Variants in DALRD3 observed in about 807,000 individuals in gnomAD.
DALRD3 encodes the protein DALR anticodon-binding domain-containing protein 3.
DALRD3 carries 47 observed loss-of-function variants against 56.7 expected under a neutral mutation model. That is an observed-to-expected ratio of 0.83 (90% CI 0.66 to 1.06). The LOEUF (loss-of-function observed/expected upper bound fraction) is 1.06. Among genes scored for constraint, DALRD3 ranks in the 50% least tolerant of loss-of-function variants. The probability of loss-of-function intolerance (pLI) is 0.00; values close to 1 mark genes in which losing one functional copy is unlikely to be tolerated. For synonymous variants in DALRD3, 347 were observed against 308.5 expected (o/e 1.12, Z -1.31); for missense variants, 787 against 724.0 (o/e 1.09, Z -1.00).
rs2093058236 is a variant in DALRD3 at position 49,015,869 on chromosome 3, A to G, written c.1447T>C (p.Cys483Arg). 1.9e-6 allele frequency: 3 copies of G among 1,614,182 alleles called. No homozygotes were observed. Among genetic ancestry groups the G allele is most frequent in the Non-Finnish European group, 1.7e-6 (2 of 1,180,038 alleles). ...LHIAVRTEMI[C>R]KFLVQLSMDF... Reference sequence around the variant, plus strand: ...ATGCTGAGCTGTACCAGGAACTTGCATATCTAGAGACAGAGACTGAGTCAC... The same window carrying G: ...ATGCTGAGCTGTACCAGGAACTTGCGTATCTAGAGACAGAGACTGAGTCAC... Residue 483 changes from cysteine (C) to arginine (R), a missense_variant, in exon 11 of 12, where the codon TGC becomes CGC. Transcript: ENST00000341949.
chr3:49,017,639 T>G lies in DALRD3; in HGVS notation c.692A>C (p.Tyr231Ser), dbSNP rs61743083. 1 of 1,614,210 alleles carries G rather than the reference T, an allele frequency of 6.2e-7. No individual in the cohort carries two copies. The highest frequency in any genetic ancestry group is 1.1e-5 in the South Asian group (1 of 91,090). Residue 231 changes from tyrosine to serine, a missense_variant, in exon 3 of 12, where the codon TAT becomes TCT. Physicochemically the swap from Tyr to Ser is moderately radical, Grantham distance 144. Transcript: ENST00000341949. ...CAGACAGTTGTCCAGGTTGGGGTCA[T>G]AGCCAGCTGTGCGGCCCTGTTCTTC... ...LVEEQGRTAG[Y>S]DPNLDNCLVT...
upstream of DALRD3, chr3:49,018,698 G>A (rs2093124616): frequency 1.4e-6 from 2 of 1,407,742 alleles, no homozygotes; most frequent in Non-Finnish European, 1.8e-6. Flanking sequence ...TAGCCCTGTC[G>A]GCTGCTTTCG....
chr3:49,018,249 C>T lies in DALRD3; in HGVS notation c.235G>A (p.Ala79Thr), dbSNP rs1363630850. Reference sequence around the variant, plus strand: ...AGAGACAGACCCGCGGGGGTCGGCGCGCAGCGCAGCACCGGGGCCACACCG... The same window carrying T: ...AGAGACAGACCCGCGGGGGTCGGCGTGCAGCGCAGCACCGGGGCCACACCG... ...GPGVAPVLRC[A>T]PTPAGLSLQL... The change falls in exon 2 of 12, where the codon GCG (alanine) becomes ACG (threonine). Residue 79 changes from alanine to threonine, a missense_variant. Coordinates refer to ENST00000341949, the MANE Select transcript of DALRD3 (RefSeq NM_001009996.3). The T allele has an allele frequency of 5.6e-6, 8 of 1,437,050 alleles. 1 individual carries two copies. The South Asian group carries it at 1.2e-4, about 21-fold the overall frequency. 89.0% of individuals were successfully genotyped at this position (1,437,050 alleles called of 1,614,324 possible).
upstream of DALRD3, among the ~76,000 whole-genome samples, chr3:49,019,450 C>T (rs2093132776): frequency 6.6e-6 from 1 of 151,602 alleles, no homozygotes; most frequent in East Asian, 1.9e-4. Flanking sequence ...GAAATCACAA[C>T]CATCATGATG....
chr3:49,017,704 G>A lies in DALRD3; in HGVS notation c.627C>T (p.Ser209=). ...LTSANDGRTL[S]PGILGRLCLK... ...GACACAGTCTGCCTAGGATGCCAGG[G>A]GACAGTGTCCTCCCGTCATTAGCAG... Residue 209 remains serine, a synonymous_variant, in exon 3 of 12, where the codon TCC becomes TCT. Transcript: ENST00000341949. The A allele has an allele frequency of 6.2e-7, 1 of 1,614,162 alleles. No homozygotes were observed. The highest frequency in any genetic ancestry group is 8.5e-7 in the Non-Finnish European group (1 of 1,180,042).
rs966690564 is a variant in DALRD3 at position 49,016,011 on chromosome 3, T to C, written c.1405A>G (p.Thr469Ala). 1.9e-6 allele frequency: 3 copies of C among 1,609,492 alleles called. No homozygotes were observed. The highest frequency in any genetic ancestry group is 1.7e-5 in the Admixed American group (1 of 59,868). ...ACAGCAATGTGGAGCCCCGGGGCTG[T>C]GCAGTCCAGCACTGCTGTCCGGCTC... The part of the protein sequence containing the change: ...LLSRTAVLDC[T>A]APGLHIAVRT... Residue 469 changes from threonine (T) to alanine (A), a missense_variant, in exon 10 of 12, where the codon ACA becomes GCA. Transcript: ENST00000341949.
At position 49,017,269 on chromosome 3, in the gene DALRD3, G is replaced by A; in HGVS notation, c.886C>T (p.Leu296=). The change falls in exon 5 of 12, where the codon CTG becomes TTG. Residue 296 remains leucine, a synonymous_variant. Transcript: ENST00000341949. ...EEEFQQQKLD[L]LWQKLVDKAP... is the part of the protein sequence containing the mutation. Reference sequence around the variant, plus strand: ...TTGTCAACCAACTTCTGCCAAAGCAGGTCCAACTTCTGTTGCTGGAACTCC... The same window carrying A: ...TTGTCAACCAACTTCTGCCAAAGCAAGTCCAACTTCTGTTGCTGGAACTCC... 6.2e-7 allele frequency: 1 copy of A among 1,614,168 alleles called. No homozygotes were observed. Among genetic ancestry groups the A allele is most frequent in the Non-Finnish European group, 8.5e-7 (1 of 1,180,012 alleles).
intron 6 of DALRD3, 49 bp from the exon 7 acceptor site, chr3:49,016,722 G>GT: frequency 6.2e-7 from 1 of 1,613,950 alleles, no homozygotes. Context: ...TGGGTAAAGA[G>GT]TCCCCCCTCA....
Position 49,018,248 on chromosome 3 carries a change from G to A in DALRD3, c.236C>T (p.Ala79Val), listed in dbSNP as rs1301516326. 2 of 1,436,872 alleles carry A rather than the reference G, an allele frequency of 1.4e-6. No individual in the cohort carries two copies. Among genetic ancestry groups the A allele is most frequent in the Non-Finnish European group, 1.8e-6 (2 of 1,103,642 alleles). 89.0% of individuals were successfully genotyped at this position (1,436,872 alleles called of 1,614,324 possible). A position where few individuals can be genotyped will look rare whatever the true frequency, so the allele number is the denominator to read the frequency against. Residue 79 changes from alanine (A) to valine (V), a missense_variant, in exon 2 of 12, where the codon GCG (alanine) becomes GTG (valine). By Grantham distance (64) the Ala-to-Val change is moderately conservative. Transcript: ENST00000341949. Reference protein sequence around the residue: ...GPGVAPVLRCAPTPAGLSLQL... With the variant: ...GPGVAPVLRCVPTPAGLSLQL... ...GAGAGACAGACCCGCGGGGGTCGGC[G>A]CGCAGCGCAGCACCGGGGCCACACC...
chr3:49,018,098 G>T lies in DALRD3; in HGVS notation c.386C>A (p.Pro129His), dbSNP rs748420382. 1 of 1,486,002 alleles carries T rather than the reference G, an allele frequency of 6.7e-7. No individual in the cohort carries two copies. The highest frequency in any genetic ancestry group is 2.3e-5 in the East Asian group (1 of 42,994). 92.1% of individuals were successfully genotyped at this position (1,486,002 alleles called of 1,614,324 possible). Residue 129 changes from proline to histidine, a missense_variant, in exon 2 of 12, where the codon CCC becomes CAC. Physicochemically the swap from Pro to His is moderately conservative, Grantham distance 77 (BLOSUM62 -2). Coordinates refer to ENST00000341949, the MANE Select transcript of DALRD3 (RefSeq NM_001009996.3). ...LLHCPALRSSPCALRLSQLRT... is the reference protein window; with the variant it reads ...LLHCPALRSSHCALRLSQLRT... Reference sequence around the variant, plus strand: ...CAGCTGGCTCAAGCGGAGTGCGCAGGGGGAGCTGCGCAGTGCTGGGCAGTG... The same window carrying T: ...CAGCTGGCTCAAGCGGAGTGCGCAGTGGGAGCTGCGCAGTGCTGGGCAGTG...
At chr3:49,016,896 GA>G (rs2093085985) in intron 5 of DALRD3, 49 bp from the exon 6 acceptor site, 1 of 1,609,548 alleles carries the variant, frequency 6.2e-7, no homozygotes, top group African/African-American at 1.3e-5. Flanking sequence ...TACTCTCCAG[GA>G]AGTCCCTTGA....
chr3:49,018,404 C>T lies in DALRD3; in HGVS notation c.161G>A (p.Gly54Asp). 1.9e-6 allele frequency: 3 copies of T among 1,567,758 alleles called. No individual in the cohort carries two copies. The highest frequency in any genetic ancestry group is 1.8e-5 in the Admixed American group (1 of 54,258). Reference protein sequence around the residue: ...HRALQARFDDGQVPEHLLHAL... With the variant: ...HRALQARFDDDQVPEHLLHAL... ...CCCCGCCCGGCTCACGCCCACCTGG[C>T]CGTCATCGAAGCGCGCCTGCAGCGC... Residue 54 changes from glycine (G) to aspartate (D), a missense_variant, in exon 1 of 12, where the codon GGC (glycine) becomes GAC (aspartate). Gly to Asp is a moderately conservative substitution (Grantham distance 94). Transcript: ENST00000341949.
chr3:49,018,067 C>A lies in DALRD3; in HGVS notation c.417G>T (p.Thr139=). The change falls in exon 2 of 12, where the codon ACG becomes ACT. Residue 139 remains threonine (T), a synonymous_variant. Coordinates refer to ENST00000341949, the MANE Select transcript of DALRD3 (RefSeq NM_001009996.3). ...GCGCCAGGTGATCGGCCACGAGCACCGTACGCAGCTGGCTCAAGCGGAGTG... is the reference window on the plus strand; with the variant it reads ...GCGCCAGGTGATCGGCCACGAGCACAGTACGCAGCTGGCTCAAGCGGAGTG... ...PCALRLSQLR[T]VLVADHLARA... 1 of 1,491,764 alleles carries A rather than the reference C, an allele frequency of 6.7e-7. No individual in the cohort carries two copies. Among genetic ancestry groups the A allele is most frequent in the Non-Finnish European group, 8.8e-7 (1 of 1,130,716 alleles). The allele number at this position is 1,491,764 out of a possible 1,614,324, so 92.4% of individuals were successfully genotyped here. A position where few individuals can be genotyped will look rare whatever the true frequency, so the allele number is the denominator to read the frequency against.
chr3:49,015,804 C>G lies in DALRD3; in HGVS notation c.1512G>C (p.Gly504=). The stretch of plus-strand genomic sequence containing the variant: ...CCACCCCATTTTGCTGTGTGCTCAC[C>G]CCCAGGATGTGTACCCGGTTGTAGT... The part of the protein sequence containing the change: ...SSYYNRVHIL[G]EPRPHLFGQM... Residue 504 remains glycine, a splice_region_variant and synonymous_variant, in exon 11 of 12, where the codon GGG becomes GGC. Transcript: ENST00000341949. The G allele has an allele frequency of 6.2e-7, 1 of 1,614,152 alleles. No individual in the cohort carries two copies. Among genetic ancestry groups the G allele is most frequent in the Non-Finnish European group, 8.5e-7 (1 of 1,180,036 alleles).
In DALRD3 at chr3:49,018,250, G is replaced by C. The variant is rs1345751020; in HGVS notation, c.234C>G (p.Cys78Trp). 5 of 1,437,138 alleles carry C rather than the reference G, an allele frequency of 3.5e-6. No homozygotes were observed. Among genetic ancestry groups the C allele is most frequent in the Non-Finnish European group, 3.6e-6 (4 of 1,103,742 alleles). The allele number at this position is 1,437,138 out of a possible 1,614,324, so 89.0% of individuals were successfully genotyped here. Reference sequence around the variant, plus strand: ...GAGACAGACCCGCGGGGGTCGGCGCGCAGCGCAGCACCGGGGCCACACCGG... The same window carrying C: ...GAGACAGACCCGCGGGGGTCGGCGCCCAGCGCAGCACCGGGGCCACACCGG... ...QGPGVAPVLR[C>W]APTPAGLSLQ... The change falls in exon 2 of 12, where the codon TGC becomes TGG. Residue 78 changes from cysteine to tryptophan, a missense_variant. Coordinates refer to ENST00000341949, the MANE Select transcript of DALRD3 (RefSeq NM_001009996.3).
chr3:49,016,609 C>A lies in DALRD3; in HGVS notation c.1063+3G>T. 1.3e-6 allele frequency: 2 copies of A among 1,582,898 alleles called. No individual in the cohort carries two copies. Among genetic ancestry groups the A allele is most frequent in the Non-Finnish European group, 8.6e-7 (1 of 1,163,416 alleles). On this transcript the variant is annotated splice_donor_region_variant and intron_variant, in intron 7 of 11. Transcript: ENST00000341949. ...GAACATAGCCAGGGTTTCCCAGGCA[C>A]ACCTTGTGCCAGATCCCCACCATGC...
At chr3:49,019,559 A>C (rs2093133954), upstream of DALRD3, among the ~76,000 whole-genome samples, 1 of 146,356 alleles carries the variant, frequency 6.8e-6, no homozygotes, top group South Asian at 2.2e-4. Context: ...GGCTCACCGC[A>C]ACCTCCCCCT....
intron 10 of DALRD3, 35 bp downstream of exon 10, chr3:49,015,932 AAAGAAT>A (rs1294014490): frequency 1.2e-6 from 2 of 1,614,192 alleles, no homozygotes; most frequent in Non-Finnish European, 1.7e-6. Flanking sequence ...AGGCCAGAAT[AAAGAAT>A]AGAGTGTAGA....
At chr3:49,020,323 G>A, upstream of DALRD3, 1 of 470,656 alleles carries the variant, frequency 2.1e-6, no homozygotes, top group Non-Finnish European at 4.5e-6. Context: ...TCTCATCCAC[G>A]AAGACGGTTG....
Sources: allele counts gnomAD v4.1 joint callset (sites outside exome capture counted in the v4.1 genomes callset), GRCh38; gene constraint gnomAD v4.1.1; transcripts MANE v1.5; gene names NCBI Gene and HGNC (gene_info 2026-07-23, HGNC 2026-07-21).